SEPTIN5: variants seen among roughly 807,000 people sequenced by gnomAD.
SEPTIN5 encodes septin 5.
In SEPTIN5, 16 loss-of-function variants were observed where a neutral mutation model predicts 51.2. The ratio of observed to expected loss-of-function variants is 0.31; its 90% confidence interval spans 0.21 to 0.47. The LOEUF is 0.47. SEPTIN5 is among the 20% of genes least tolerant of loss of function. The pLI is 0.99. For synonymous variants in SEPTIN5, 208 were observed against 191.2 expected, an observed-to-expected ratio of 1.09 and a Z score of -0.72; for missense variants, 376 against 500.3, an observed-to-expected ratio of 0.75 and a Z score of 2.37.
rs755308183 is a variant in SEPTIN5, at chr22:19,721,844, C to T, written c.837C>T (p.Asp279=). The change falls in exon 10 of 12, where the codon GAC becomes GAT. Residue 279 remains aspartate (D), a synonymous_variant. Transcript: ENST00000455784. ...CAGTGGAGAACCAGGCGCATTGCGA[C>T]TTCGTGAAGCTGCGCAACATGCTCA... ...IVEVENQAHC[D]FVKLRNMLIR... 1.2e-6 allele frequency: 2 copies of T among 1,610,942 alleles called. No homozygotes were observed. The highest frequency in any genetic ancestry group is 1.7e-6 in the Non-Finnish European group (2 of 1,178,552).
chr22:19,722,222 C>T lies in SEPTIN5; in HGVS notation c.951-15C>T, dbSNP rs759164494. The T allele has an allele frequency of 1.3e-6, 2 of 1,558,416 alleles. No homozygotes were observed. The highest frequency in any genetic ancestry group is 1.8e-5 in the Admixed American group (1 of 55,586). ...GTGGCGCCGCCCCGCCCATCCTCCCCCCCGCCCCGCGCAGCAAACTGACCC... is the reference window on the plus strand; with the variant it reads ...GTGGCGCCGCCCCGCCCATCCTCCCTCCCGCCCCGCGCAGCAAACTGACCC... On this transcript the variant is annotated splice_polypyrimidine_tract_variant and intron_variant, in intron 10 of 11. Transcript: ENST00000455784.
intron 2 of SEPTIN5, chr22:19,718,101 G>A (rs969733855): frequency 6.6e-6 from 1 of 152,222 alleles, no homozygotes; most frequent in Non-Finnish European, 1.5e-5. Flanking sequence ...TGTTGCGCGT[G>A]GGTCCCGGGA....
chr22:19,723,187 G>T lies in SEPTIN5; in HGVS notation c.*703G>T, dbSNP rs1277822955. 1 of 590,606 alleles carries T rather than the reference G, an allele frequency of 1.7e-6. No individual in the cohort carries two copies. The highest frequency in any genetic ancestry group is 3.2e-6 in the Non-Finnish European group (1 of 313,798). 36.6% of individuals were successfully genotyped at this position (590,606 alleles called of 1,614,324 possible). On this transcript the variant is annotated 3_prime_UTR_variant, in exon 12 of 12. Coordinates refer to ENST00000455784, the MANE Select transcript of SEPTIN5 (RefSeq NM_002688.6). ...CTTCTCCCCAGCACCGCTGTGGTGT[G>T]CCGGGATCCTGAGCCTAGGCCTCCC...
At chr22:19,718,604 C>G (rs532416743) in intron 2 of SEPTIN5, 1 of 1,242,886 alleles carries the variant, frequency 8.0e-7, no homozygotes, top group African/African-American at 1.6e-5. Context: ...GCCTCACTTC[C>G]CGCGTCCGCA....
Position 19,720,850 on chromosome 22 carries a change from A to G in SEPTIN5, c.698A>G (p.Gln233Arg). Residue 233 changes from glutamine to arginine, a missense_variant, in exon 8 of 12, where the codon CAG becomes CGG. By Grantham distance (43) the Gln-to-Arg change is conservative. Transcript: ENST00000455784. Reference sequence around the variant, plus strand: ...TCGGACGAGGATGAGGACTTCAAGCAGCAGGACCGGGAACTGAAGGTGAAC... The same window carrying G: ...TCGGACGAGGATGAGGACTTCAAGCGGCAGGACCGGGAACTGAAGGTGAAC... ...CDSDEDEDFKQQDRELKESAP... is the reference protein window; with the variant it reads ...CDSDEDEDFKRQDRELKESAP... 1 of 1,613,744 alleles carries G rather than the reference A, an allele frequency of 6.2e-7. No individual in the cohort carries two copies. The highest frequency in any genetic ancestry group is 8.5e-7 in the Non-Finnish European group (1 of 1,179,986).
intron 2 of SEPTIN5, among the ~76,000 whole-genome samples, chr22:19,715,341 G>A (rs1046113493): frequency 1.3e-5 from 2 of 152,238 alleles, no homozygotes; most frequent in African/African-American, 4.8e-5. Flanking sequence ...GTCATTCTGG[G>A]TGCCCAGATG....
At chr22:19,719,970 T>A (rs1035391176) in intron 4 of SEPTIN5, 78 bp downstream of exon 4, 3 of 1,602,792 alleles carry the variant, frequency 1.9e-6, no homozygotes, top group Non-Finnish European at 2.6e-6. Flanking sequence ...CCCTTTCAGG[T>A]CCAGCTCCCA....
At chr22:19,717,492 A>G (rs1054252640) in intron 2 of SEPTIN5, 21 of 380,196 alleles carry the variant, frequency 5.5e-5, no homozygotes, top group Middle Eastern at 1.7e-3. Flanking sequence ...AGCACGTGGG[A>G]GATGGGTCCC....
chr22:19,722,214 A>AACACCC, intron 10 of SEPTIN5, 23 bp from the exon 11 acceptor site: 1 of 903,752 alleles, frequency 1.1e-6, no homozygotes, highest in Non-Finnish European at 1.7e-6. Flanking sequence ...CGCCCCGCCC[A>AACACCC]TCCTCCCCCC....
At chr22:19,717,924 G>GCGCACGCA (rs200360342) in intron 2 of SEPTIN5, 3,747 of 156,170 alleles carry the variant, frequency 0.024, 126 homozygotes, top group East Asian at 0.089. Context: ...ACACAAACGC[G>GCGCACGCA]CGCACGCACG....
chr22:19,723,074 G>A lies in SEPTIN5; in HGVS notation c.*590G>A, dbSNP rs894446919. 15 of 520,078 alleles carry A rather than the reference G, an allele frequency of 2.9e-5. No individual in the cohort carries two copies. Among genetic ancestry groups the A allele is most frequent in the Non-Finnish European group, 4.1e-5 (11 of 269,968 alleles). 32.2% of individuals were successfully genotyped at this position (520,078 alleles called of 1,614,324 possible). A position where few individuals can be genotyped will look rare whatever the true frequency, so the allele number is the denominator to read the frequency against. ...CGCTTACACCCCTTCTCCACAGCCC[G>A]GCCCGACCTGGAGGGCCCCCGGGGC... On this transcript the variant is annotated 3_prime_UTR_variant, in exon 12 of 12. Transcript: ENST00000455784.
At chr22:19,717,142 G>A (rs1935922126) in intron 2 of SEPTIN5, 2 of 360,332 alleles carry the variant, frequency 5.6e-6, no homozygotes, top group Non-Finnish European at 1.1e-5. Context: ...AAGTGGAGGA[G>A]GTCTCTCAGC....
chr22:19,717,371 C>A (rs1490244438), intron 2 of SEPTIN5: 1 of 469,740 alleles, frequency 2.1e-6, no homozygotes, highest in Non-Finnish European at 4.4e-6. Context: ...CCCCGCAGTC[C>A]CTGGAGTAGC....
At chr22:19,717,189 T>C (rs796993489) in intron 2 of SEPTIN5, 10 of 153,070 alleles carry the variant, frequency 6.5e-5, no homozygotes, top group Non-Finnish European at 6.6e-5. Flanking sequence ...GCGGGTGGGG[T>C]GGGGTGGGGT....
chr22:19,714,647 G>GCCCGCGTT lies in SEPTIN5; in HGVS notation c.43+23_43+24insTCCCGCGT. 1 of 1,510,678 alleles carries GCCCGCGTT rather than the reference G, an allele frequency of 6.6e-7. No homozygotes were observed. 93.6% of individuals were successfully genotyped at this position (1,510,678 alleles called of 1,614,324 possible). ...GCGACCCCAGGTGAGCCCAGCGCCT[G>GCCCGCGTT]CCCGCGTGCCCGCGCGCGCCTTTGT... is the stretch of plus-strand genomic sequence containing the variant. On this transcript the variant is annotated intron_variant, in intron 1 of 11. Coordinates refer to ENST00000455784, the MANE Select transcript of SEPTIN5 (RefSeq NM_002688.6). The surrounding 1 kb of genome is among the most constrained non-coding windows in gnomAD (Gnocchi z 5.2).
chr22:19,714,718 C>T lies in SEPTIN5; in HGVS notation c.44-63C>T. The stretch of plus-strand genomic sequence containing the variant: ...TCACCGTGTCTCTCCGTCTCTCCCC[C>T]GCCCGCCGGCCCGGACCCGCTCGGA... On this transcript the variant is annotated intron_variant, in intron 1 of 11. Coordinates refer to ENST00000455784, the MANE Select transcript of SEPTIN5 (RefSeq NM_002688.6). This position sits in a 1 kb window ranked among gnomAD's most constrained non-coding sequence, Gnocchi z 5.2. 1 of 1,547,200 alleles carries T rather than the reference C, an allele frequency of 6.5e-7. No homozygotes were observed.
rs1171048432 is a variant in SEPTIN5, at chr22:19,720,416, G to A, written c.459G>A (p.Val153=). 4 of 1,613,888 alleles carry A rather than the reference G, an allele frequency of 2.5e-6. No individual in the cohort carries two copies. The South Asian group carries it at 3.3e-5, about 13-fold the overall frequency. ...GAAAGAACATCCAAGACAACCGAGTGCACTGCTGCCTATACTTCATCTCCC... is the reference window on the plus strand; with the variant it reads ...GAAAGAACATCCAAGACAACCGAGTACACTGCTGCCTATACTTCATCTCCC... The part of the protein sequence containing the change: ...LNRKNIQDNR[V]HCCLYFISPF... The change falls in exon 6 of 12, where the codon GTG becomes GTA. Residue 153 remains valine, a synonymous_variant. Coordinates refer to ENST00000455784, the MANE Select transcript of SEPTIN5 (RefSeq NM_002688.6).
In SEPTIN5 at chr22:19,714,753, G is replaced by A; in HGVS notation, c.44-28G>A. The A allele has an allele frequency of 2.0e-6, 3 of 1,488,352 alleles. No homozygotes were observed. The highest frequency in any genetic ancestry group is 1.2e-5 in the South Asian group (1 of 86,790). 92.2% of individuals were successfully genotyped at this position (1,488,352 alleles called of 1,614,324 possible). A position where few individuals can be genotyped will look rare whatever the true frequency, so the allele number is the denominator to read the frequency against. The stretch of plus-strand genomic sequence containing the variant: ...CCCGGACCCGCTCGGAACCGGACCC[G>A]GACTCGACCCCGACCCCGACCCCGC... On this transcript the variant is annotated intron_variant, in intron 1 of 11. Transcript: ENST00000455784. This position sits in a 1 kb window ranked among gnomAD's most constrained non-coding sequence, Gnocchi z 5.2.
In SEPTIN5 at chr22:19,723,050, G is replaced by T. The variant is rs903063255; in HGVS notation, c.*566G>T. On this transcript the variant is annotated 3_prime_UTR_variant, in exon 12 of 12. Transcript: ENST00000455784. ...GGCTGCAAGGAGCGGGGTCGTGACC[G>T]CTTACACCCCTTCTCCACAGCCCGG... is the stretch of plus-strand genomic sequence containing the variant. 4 of 492,442 alleles carry T rather than the reference G, an allele frequency of 8.1e-6. No individual in the cohort carries two copies. The highest frequency in any genetic ancestry group is 1.6e-5 in the Non-Finnish European group (4 of 257,132). The allele number at this position is 492,442 out of a possible 1,614,324, so 30.5% of individuals were successfully genotyped here.
Sources: gnomAD v4.1 joint callset for allele counts (sites outside exome capture counted in the v4.1 genomes callset) on GRCh38, gnomAD v4.1.1 for gene constraint, Gnocchi (gnomAD v3.1) non-coding constraint, MANE v1.5 for transcripts, NCBI Gene and HGNC (gene_info 2026-07-23, HGNC 2026-07-21) for gene names.